Variants in KRT4 observed in about 807,000 individuals in gnomAD.
KRT4 encodes keratin, type II cytoskeletal 4.
In KRT4, 47 loss-of-function variants were observed where a neutral mutation model predicts 50.6. That is an observed-to-expected ratio of 0.93 (90% CI 0.73 to 1.18). KRT4 has a LOEUF of 1.18. Among genes scored for constraint, KRT4 ranks in the 50% most tolerant of loss-of-function variants. KRT4 has a pLI of 0.00. For missense variants in KRT4, 651 were observed against 645.7 expected, an observed-to-expected ratio of 1.01 and a Z score of -0.09; for synonymous variants, 254 against 251.2, an observed-to-expected ratio of 1.01 and a Z score of -0.10.
chr12:52,807,210 T>C lies in KRT4; in HGVS notation c.1422A>G (p.Gly474=). 3 of 1,614,062 alleles carry C rather than the reference T, an allele frequency of 1.9e-6. No homozygotes were observed. Among genetic ancestry groups the C allele is most frequent in the Non-Finnish European group, 8.5e-7 (1 of 1,180,018 alleles). Residue 474 remains glycine, a synonymous_variant, in exon 9 of 9, where the codon GGA becomes GGG. Transcript: ENST00000551956. ...SGSTSTGGIS[G]GLGSGSGFGL... The stretch of plus-strand genomic sequence containing the variant: ...CAAACCCGGAGCCACTTCCTAATCC[T>C]CCGCTGATGCCTCCAGTGCTGGTGC...
intron 4 of KRT4, 130 bp downstream of exon 4, chr12:52,809,253 A>C: frequency 1.3e-6 from 1 of 773,604 alleles, no homozygotes; most frequent in South Asian, 1.4e-5. Context: ...TCTATGCATG[A>C]CCTTGATGAG....
chr12:52,807,351 G>C lies in KRT4; in HGVS notation c.1381+8C>G, dbSNP rs753682580. ...TGAACAACTACAGCAGGCGTGGAAG[G>C]TACTTACAGATGCTCACGGCACTCT... On this transcript the variant is annotated splice_region_variant and intron_variant, in intron 8 of 8. Coordinates refer to ENST00000551956, the MANE Select transcript of KRT4 (RefSeq NM_002272.4). 6.2e-7 allele frequency: 1 copy of C among 1,614,192 alleles called. No homozygotes were observed. The highest frequency in any genetic ancestry group is 8.5e-7 in the Non-Finnish European group (1 of 1,180,028).
chr12:52,810,784 G>C lies in KRT4; in HGVS notation c.710C>G (p.Ala237Gly), dbSNP rs1939896345. The C allele has an allele frequency of 6.2e-7, 1 of 1,614,008 alleles. No individual in the cohort carries two copies. Among genetic ancestry groups the C allele is most frequent in the Non-Finnish European group, 8.5e-7 (1 of 1,180,004 alleles). Residue 237 changes from alanine to glycine, a missense_variant, in exon 3 of 9, where the codon GCC becomes GGC. Coordinates refer to ENST00000551956, the MANE Select transcript of KRT4 (RefSeq NM_002272.4). ...YEEEINKRTA[A>G]ENDFVVLKKD... ...CTTTAGGACCACAAAGTCATTCTCG[G>C]CTGCTGTGCGTTTGTTGATCTCCTC...
chr12:52,807,347 G>A lies in KRT4; in HGVS notation c.1381+12C>T. On this transcript the variant is annotated intron_variant, in intron 8 of 8. Coordinates refer to ENST00000551956, the MANE Select transcript of KRT4 (RefSeq NM_002272.4). Reference sequence around the variant, plus strand: ...TGAATGAACAACTACAGCAGGCGTGGAAGGTACTTACAGATGCTCACGGCA... The same window carrying A: ...TGAATGAACAACTACAGCAGGCGTGAAAGGTACTTACAGATGCTCACGGCA... 1.2e-6 allele frequency: 2 copies of A among 1,614,206 alleles called. No homozygotes were observed. Among genetic ancestry groups the A allele is most frequent in the Non-Finnish European group, 1.7e-6 (2 of 1,180,030 alleles).
At chr12:52,809,022 C>G (rs1034416332) in intron 4 of KRT4, 172 bp from the exon 5 acceptor site, 17 of 735,204 alleles carry the variant, frequency 2.3e-5, no homozygotes, top group Admixed American at 1.6e-4. Context: ...AGCAATGCTT[C>G]TAGTCTTTAC....
intron 1 of KRT4, among the ~76,000 whole-genome samples, 190 bp downstream of exon 1, chr12:52,813,407 C>T (rs954800546): frequency 6.6e-6 from 1 of 152,122 alleles, no homozygotes; most frequent in Non-Finnish European, 1.5e-5. Flanking sequence ...CCTTGAGCAT[C>T]CCACCTTCCC....
At chr12:52,809,361 G>A in intron 4 of KRT4, 22 bp downstream of exon 4, 2 of 1,550,368 alleles carry the variant, frequency 1.3e-6, no homozygotes, top group Non-Finnish European at 1.8e-6. Flanking sequence ...TCCCTGGATG[G>A]AGGGGAGGAT....
chr12:52,811,996 C>T lies in KRT4; in HGVS notation c.463-19G>A, dbSNP rs374372093. On this transcript the variant is annotated intron_variant, in intron 1 of 8. Coordinates refer to ENST00000551956, the MANE Select transcript of KRT4 (RefSeq NM_002272.4). ...ACTGCACCTGTGTTGATAAAGGCACCAGCCAAGTGATGAGGGCCTGAAGTG... is the reference window on the plus strand; with the variant it reads ...ACTGCACCTGTGTTGATAAAGGCACTAGCCAAGTGATGAGGGCCTGAAGTG... The T allele has an allele frequency of 6.3e-7, 1 of 1,597,448 alleles. No individual in the cohort carries two copies. Among genetic ancestry groups the T allele is most frequent in the Non-Finnish European group, 8.6e-7 (1 of 1,168,212 alleles).
At position 52,808,398 on chromosome 12, in the gene KRT4, C is replaced by T. The variant is rs938266590; in HGVS notation, c.1021G>A (p.Val341Ile). The T allele has an allele frequency of 5.6e-6, 9 of 1,613,972 alleles. No homozygotes were observed. The highest frequency in any genetic ancestry group is 7.6e-6 in the Non-Finnish European group (9 of 1,180,032). ...QTKVQQLQIS[V>I]DQHGDNLKNT... is the part of the protein sequence containing the mutation. ...TTCAGGTTGTCACCATGTTGGTCAA[C>T]CGAGATCTGGAGCTGCTGGACCTAA... Residue 341 changes from valine (V) to isoleucine (I), a missense_variant, in exon 6 of 9, where the codon GTT becomes ATT. Transcript: ENST00000551956.
intron 2 of KRT4, among the ~76,000 whole-genome samples, chr12:52,811,241 A>G (rs554427117): frequency 1.3e-5 from 2 of 152,322 alleles, no homozygotes; most frequent in African/African-American, 4.8e-5. Context: ...AGTGAGTTTA[A>G]TGAGAGGTGC....
rs1939828371 is a variant in KRT4, at chr12:52,807,814, A to C, written c.1176T>G (p.Asn392Lys). The C allele has an allele frequency of 1.9e-6, 3 of 1,614,040 alleles. No individual in the cohort carries two copies. The African/African-American group carries it at 4.0e-5, about 22-fold the overall frequency. ...GCTTGCTGTGGGCATCTTTAAGGGCATTCTCACCTCGCTGCTCTGCATCAG... is the reference window on the plus strand; with the variant it reads ...GCTTGCTGTGGGCATCTTTAAGGGCCTTCTCACCTCGCTGCTCTGCATCAG... The part of the protein sequence containing the change: ...SVADAEQRGE[N>K]ALKDAHSKRV... The change falls in exon 7 of 9, where the codon AAT (asparagine) becomes AAG (lysine). Residue 392 changes from asparagine to lysine, a missense_variant. By Grantham distance (94) the Asn-to-Lys change is moderately conservative. Coordinates refer to ENST00000551956, the MANE Select transcript of KRT4 (RefSeq NM_002272.4).
Position 52,808,305 on chromosome 12 carries a change from T to A in KRT4, c.1114A>T (p.Ile372Phe), listed in dbSNP as rs1454816170. 1.9e-6 allele frequency: 3 copies of A among 1,614,060 alleles called. No homozygotes were observed. In the East Asian group the frequency reaches 6.7e-5, roughly 36 times the overall value. Residue 372 changes from isoleucine to phenylalanine, a missense_variant, in exon 6 of 9, where the codon ATC becomes TTC. Physicochemically the swap from Ile to Phe is conservative, Grantham distance 21 (BLOSUM62 0). Transcript: ENST00000551956. ...IQRLRAEIEN[I>F]KKQCQTLQVS... ...GGAGTGACACCCACCTGCTTCTTGA[T>A]GTTCTCGATCTCTGCCCGCAGCCTC...
chr12:52,809,023 T>C (rs1939859791), intron 4 of KRT4, 173 bp from the exon 5 acceptor site: 4 of 738,846 alleles, frequency 5.4e-6, no homozygotes, highest in Non-Finnish European at 9.5e-6. Flanking sequence ...GCAATGCTTC[T>C]AGTCTTTACT....
chr12:52,811,079 G>C (rs575752087), intron 2 of KRT4, among the ~76,000 whole-genome samples: 1 of 152,344 alleles, frequency 6.6e-6, no homozygotes, highest in African/African-American at 2.4e-5. Flanking sequence ...CAATGATGTA[G>C]TTGATTTAAT....
At chr12:52,809,117 A>G (rs750703547) in intron 4 of KRT4, 1 of 620,694 alleles carries the variant, frequency 1.6e-6, no homozygotes, top group Admixed American at 2.6e-5. Context: ...CCATTTCACC[A>G]GAAAAAAAAT....
In KRT4 at chr12:52,807,086, G is replaced by A; in HGVS notation, c.1546C>T (p.Leu516=). 6.2e-7 allele frequency: 1 copy of A among 1,614,142 alleles called. No individual in the cohort carries two copies. Among genetic ancestry groups the A allele is most frequent in the Non-Finnish European group, 8.5e-7 (1 of 1,180,012 alleles). Residue 516 remains leucine (L), a synonymous_variant, in exon 9 of 9, where the codon CTG becomes TTG. Coordinates refer to ENST00000551956, the MANE Select transcript of KRT4 (RefSeq NM_002272.4). ...CGTCTCCTCTATCGTCTCTTGTTCA[G>A]GGTGGTGGTAGAGATGATCTTGCTG... ...SSSKIISTTT[L]NKRR is the part of the protein sequence containing the mutation.
chr12:52,812,052 C>T (rs1000838607), intron 1 of KRT4, 75 bp from the exon 2 acceptor site: 6 of 1,122,868 alleles, frequency 5.3e-6, no homozygotes, highest in Admixed American at 2.0e-5. Flanking sequence ...GCAACACCAA[C>T]CCAGTCAATC....
rs555229510 is a variant in KRT4, at chr12:52,813,744, G to A, written c.315C>T (p.Pro105=). 17 of 1,614,246 alleles carry A rather than the reference G, an allele frequency of 1.1e-5. No individual in the cohort carries two copies. Among genetic ancestry groups the A allele is most frequent in the Middle Eastern group, 1.6e-4 (1 of 6,062 alleles). ...GKGGPGFPVC[P]AGGIQEVTIN... Reference sequence around the variant, plus strand: ...TGGTGACCTCCTGAATTCCCCCAGCGGGGCAGACGGGGAAGCCAGGGCCAC... The same window carrying A: ...TGGTGACCTCCTGAATTCCCCCAGCAGGGCAGACGGGGAAGCCAGGGCCAC... The change falls in exon 1 of 9, where the codon CCC becomes CCT. Residue 105 remains proline (P), a synonymous_variant. Transcript: ENST00000551956.
At chr12:52,812,150 C>A (rs921976066) in intron 1 of KRT4, among the ~76,000 whole-genome samples, 173 bp from the exon 2 acceptor site, 1 of 152,158 alleles carries the variant, frequency 6.6e-6, no homozygotes, top group Non-Finnish European at 1.5e-5. Flanking sequence ...GACATGATGG[C>A]CCCATTCTCG....
Sources: allele counts gnomAD v4.1 joint callset (sites outside exome capture counted in the v4.1 genomes callset), GRCh38; gene constraint gnomAD v4.1.1; transcripts MANE v1.5; gene names NCBI Gene and HGNC (gene_info 2026-07-23, HGNC 2026-07-21).